Variants in ST8SIA6 observed in about 807,000 individuals in gnomAD.
The protein encoded by ST8SIA6 is ST8 alpha-N-acetyl-neuraminide alpha-2,8-sialyltransferase 6.
ST8SIA6 carries 39 observed loss-of-function variants against 33.6 expected under a neutral mutation model. The ratio of observed to expected loss-of-function variants is 1.16; its 90% CI spans 0.90 to 1.52. ST8SIA6 has a LOEUF of 1.52. Among genes scored for constraint, ST8SIA6 ranks in the 40% most tolerant of loss-of-function variants. The pLI, the probability that ST8SIA6 is intolerant of heterozygous loss-of-function variation, is 0.00. For synonymous variants in ST8SIA6, 172 were observed against 167.2 expected (o/e 1.03, Z -0.22); for missense variants, 441 against 443.8 (o/e 0.99, Z 0.06).
intron 2 of ST8SIA6, among the ~76,000 whole-genome samples, chr10:17,428,541 A>C (rs905336625): frequency 6.6e-6 from 1 of 151,946 alleles, no homozygotes; most frequent in African/African-American, 2.4e-5. Flanking sequence ...ACACAGGGAG[A>C]AAGTTACAGA....
chr10:17,383,211 T>G (rs1002730643), intron 3 of ST8SIA6, among the ~76,000 whole-genome samples: 3 of 152,182 alleles, frequency 2.0e-5, no homozygotes, highest in African/African-American at 7.2e-5. Flanking sequence ...ATATCAAGTG[T>G]TTTAAACCTT....
Position 17,435,595 on chromosome 10 carries a change from C to G in ST8SIA6, c.200+17964G>C, listed in dbSNP as rs1290898470. ...GAATAATTGCTAAACTTCCTTGGTTCTATTCAGCTTGACACAAAGCCCCAT... is the reference window on the plus strand; with the variant it reads ...GAATAATTGCTAAACTTCCTTGGTTGTATTCAGCTTGACACAAAGCCCCAT... On this transcript the variant is annotated intron_variant, in intron 2 of 7. Transcript: ENST00000377602. Among the ~76,000 whole-genome samples, 4 of 151,268 alleles carry G rather than the reference C, an allele frequency of 2.6e-5. No homozygotes were observed. The Admixed American group carries it at 2.7e-4, about 10-fold the overall frequency.
chr10:17,385,415 C>G lies in ST8SIA6; in HGVS notation c.290+5116G>C, dbSNP rs144255759. Among the ~76,000 whole-genome samples, 1,159 of 152,266 alleles carry G rather than the reference C, an allele frequency of 7.6e-3. 14 individuals are homozygous for G. Among genetic ancestry groups the G allele is most frequent in the African/African-American group, 0.026 (1,091 of 41,532 alleles). On this transcript the variant is annotated intron_variant, in intron 3 of 7. Transcript: ENST00000377602. ...CTGTGTGAAGAGACCACCAAACAGG[C>G]TTTGTGTGAGCAATAAAGCTTTTTA... is the stretch of plus-strand genomic sequence containing the variant.
rs1461368081 is a variant in ST8SIA6 at position 17,322,166 on chromosome 10, A to G, written c.729-820T>C. Among the ~76,000 whole-genome samples, 8 of 151,474 alleles carry G rather than the reference A, an allele frequency of 5.3e-5. No individual in the cohort carries two copies. In the South Asian group the frequency reaches 1.5e-3, roughly 28 times the overall value. On this transcript the variant is annotated intron_variant, in intron 7 of 7. Transcript: ENST00000377602. Reference sequence around the variant, plus strand: ...GGAGAAAGAGGGAAGAAAGAGAGAAAGACGGAAGAAAGAAGGAGAGAAAGA... The same window carrying G: ...GGAGAAAGAGGGAAGAAAGAGAGAAGGACGGAAGAAAGAAGGAGAGAAAGA...
At chr10:17,380,684 T>G (rs1162002822) in intron 3 of ST8SIA6, among the ~76,000 whole-genome samples, 1 of 152,186 alleles carries the variant, frequency 6.6e-6, no homozygotes, top group African/African-American at 2.4e-5. Context: ...AACAAATTTG[T>G]GTAAGGAGCT....
At chr10:17,440,125 C>T (rs1412646339) in intron 2 of ST8SIA6, among the ~76,000 whole-genome samples, 2 of 152,076 alleles carry the variant, frequency 1.3e-5, no homozygotes, top group African/African-American at 4.8e-5. Flanking sequence ...TAGGAAATTA[C>T]TCCACAACTC....
chr10:17,387,850 C>T (rs976391769), intron 3 of ST8SIA6, among the ~76,000 whole-genome samples: 2 of 152,190 alleles, frequency 1.3e-5, no homozygotes, highest in Non-Finnish European at 1.5e-5. Context: ...CTCTCAATTG[C>T]TTTACAAAAC....
intron 2 of ST8SIA6, among the ~76,000 whole-genome samples, chr10:17,437,718 T>TCCCTC: frequency 6.7e-6 from 1 of 148,528 alleles, no homozygotes; most frequent in African/African-American, 2.5e-5. Flanking sequence ...TTCCTTCCCT[T>TCCCTC]CCCTCCCTTC....
intron 5 of ST8SIA6, among the ~76,000 whole-genome samples, chr10:17,328,348 C>G (rs1185088071): frequency 6.6e-6 from 1 of 152,188 alleles, no homozygotes; most frequent in African/African-American, 2.4e-5. Flanking sequence ...TTTCCAAGAC[C>G]TGAATCTTTC....
At chr10:17,357,039 A>G (rs944835054) in intron 4 of ST8SIA6, among the ~76,000 whole-genome samples, 5 of 152,186 alleles carry the variant, frequency 3.3e-5, no homozygotes, top group African/African-American at 1.2e-4. Flanking sequence ...AATCCCCAAG[A>G]AGGGATTTCC....
intron 2 of ST8SIA6, among the ~76,000 whole-genome samples, chr10:17,419,363 C>T (rs1851707115): frequency 6.6e-6 from 1 of 152,056 alleles, no homozygotes; most frequent in Non-Finnish European, 1.5e-5. Flanking sequence ...GAGACTTTGT[C>T]TGTACAAAAA....
intron 3 of ST8SIA6, among the ~76,000 whole-genome samples, chr10:17,371,708 C>T (rs575810198): frequency 1.3e-5 from 2 of 148,742 alleles, no homozygotes; most frequent in East Asian, 2.0e-4. Flanking sequence ...ATCGCTTGAA[C>T]CCAGGAGGCA....
chr10:17,362,067 T>C (rs900680335), intron 3 of ST8SIA6, among the ~76,000 whole-genome samples: 2 of 152,196 alleles, frequency 1.3e-5, no homozygotes, highest in Admixed American at 6.5e-5. Flanking sequence ...AAAGACTGAA[T>C]GATGAATGCT....
At chr10:17,403,452 A>C (rs1173377108) in intron 2 of ST8SIA6, 2 of 152,218 alleles carry the variant, frequency 1.3e-5, no homozygotes, top group African/African-American at 2.4e-5. Context: ...GAATTCACCC[A>C]CAGTACAGTG....
At position 17,318,881 on chromosome 10, in the gene ST8SIA6, A is replaced by G. The variant is rs1362789808; in HGVS notation, c.*1997T>C. The G allele has an allele frequency of 7.9e-6, 3 of 379,282 alleles. No homozygotes were observed. The highest frequency in any genetic ancestry group is 1.6e-5 in the Non-Finnish European group (3 of 192,964). The allele number at this position is 379,282 out of a possible 1,614,324, so 23.5% of individuals were successfully genotyped here. ...GTTCTAAGTAATGTTCTGTTTTGGA[A>G]CAAAAGAACATTATTGGCACCTCAC... On this transcript the variant is annotated 3_prime_UTR_variant, in exon 8 of 8. Transcript: ENST00000377602.
chr10:17,450,679 T>G (rs1215706293), intron 2 of ST8SIA6, among the ~76,000 whole-genome samples: 1 of 152,162 alleles, frequency 6.6e-6, no homozygotes, highest in Non-Finnish European at 1.5e-5. Flanking sequence ...TGACTTCAAG[T>G]GATCCACTCA....
chr10:17,370,780 T>C (rs2131631590), intron 3 of ST8SIA6, among the ~76,000 whole-genome samples: 1 of 152,258 alleles, frequency 6.6e-6, no homozygotes, highest in South Asian at 2.1e-4. Context: ...AACGTATGCA[T>C]ATATATTTGG....
chr10:17,318,973 CTG>C lies in ST8SIA6; in HGVS notation c.*1903_*1904del, dbSNP rs1196107911. On this transcript the variant is annotated 3_prime_UTR_variant, in exon 8 of 8. Transcript: ENST00000377602. ...GAAAATGTTAGGATTCAATGAGGCA[CTG>C]TGTCTTTTACTCCCTTTAGTTCTCT... Among the ~76,000 whole-genome samples, 1 of 152,154 alleles carries C rather than the reference CTG, an allele frequency of 6.6e-6. No homozygotes were observed. The highest frequency in any genetic ancestry group is 1.5e-5 in the Non-Finnish European group (1 of 68,032).
rs59481369 is a variant in ST8SIA6 at position 17,341,921 on chromosome 10, AC to A, written c.378-10370del. On this transcript the variant is annotated intron_variant, in intron 4 of 7. Coordinates refer to ENST00000377602, the MANE Select transcript of ST8SIA6 (RefSeq NM_001004470.3). ...ATCTCAAAAAAAAAAAAAAAAAAAA[AC>A]AAAAAGAAAGAAAGAAAAAGAAAGA... Among the ~76,000 whole-genome samples the A allele has an allele frequency of 3.0e-3, 423 of 143,350 alleles. 1 individual carries two copies. Among genetic ancestry groups the A allele is most frequent in the East Asian group, 0.018 (90 of 4,966 alleles). The allele number at this position is 143,350 out of a possible 152,430, so 94.0% of individuals were successfully genotyped here. A position where few individuals can be genotyped will look rare whatever the true frequency, so the allele number is the denominator to read the frequency against.
Sources: gnomAD v4.1 joint callset for allele counts (sites outside exome capture counted in the v4.1 genomes callset) on GRCh38, gnomAD v4.1.1 for gene constraint, MANE v1.5 for transcripts, NCBI Gene and HGNC (gene_info 2026-07-23, HGNC 2026-07-21) for gene names.